The following PRDM15 variants were observed in gnomAD, a reference collection of about 807,000 sequenced individuals.
The protein encoded by PRDM15 is PR/SET domain 15.
In PRDM15, 64 loss-of-function variants were observed where a neutral mutation model predicts 128.6. The observed-to-expected ratio is 0.50, with a 90% CI of 0.41 to 0.61. The LOEUF (loss-of-function observed/expected upper bound fraction) is 0.61. PRDM15 is among the 20% of genes least tolerant of loss of function. The pLI, the probability that PRDM15 is intolerant of heterozygous loss-of-function variation, is 0.00. For synonymous variants in PRDM15, 615 were observed against 621.8 expected, an observed-to-expected ratio of 0.99 and a Z score of 0.16; for missense variants, 1,242 against 1,569.1, an observed-to-expected ratio of 0.79 and a Z score of 3.52.
chr21:41,821,274 T>C lies in PRDM15; in HGVS notation c.1897-44A>G. On this transcript the variant is annotated intron_variant, in intron 15 of 23. Coordinates refer to ENST00000398548, the MANE Select transcript of PRDM15 (RefSeq NM_001040424.3). This position sits in a 1 kb window ranked among gnomAD's most constrained non-coding sequence, Gnocchi z 5.4. ...GGGCACTGCTGACACCCGCATGAGG[T>C]CCCTGGTCCTCTTAGCTAATGAGGT... 1 of 1,609,140 alleles carries C rather than the reference T, an allele frequency of 6.2e-7. No individual in the cohort carries two copies. The highest frequency in any genetic ancestry group is 2.2e-5 in the East Asian group (1 of 44,794).
chr21:41,854,124 T>C lies in PRDM15; in HGVS notation c.538+442A>G, dbSNP rs905745539. Among the ~76,000 whole-genome samples, 6 of 152,204 alleles carry C rather than the reference T, an allele frequency of 3.9e-5. No individual in the cohort carries two copies. The highest frequency in any genetic ancestry group is 5.9e-5 in the Non-Finnish European group (4 of 68,044). Reference sequence around the variant, plus strand: ...CTCTATTACTTTGTCTATGTTTACATAGACAAATACTGACCATGTGTTACA... The same window carrying C: ...CTCTATTACTTTGTCTATGTTTACACAGACAAATACTGACCATGTGTTACA... On this transcript the variant is annotated intron_variant, in intron 5 of 23. Coordinates refer to ENST00000398548, the MANE Select transcript of PRDM15 (RefSeq NM_001040424.3). This position sits in a 1 kb window ranked among gnomAD's most constrained non-coding sequence, Gnocchi z 4.6.
At chr21:41,853,295 A>T (rs4346474) in intron 5 of PRDM15, among the ~76,000 whole-genome samples, 120,045 of 152,186 alleles carry the variant, frequency 0.79, 47,349 homozygotes, top group African/African-American at 0.82. Flanking sequence ...CCTTCCAATA[A>T]GTTAAGAATC....
intron 6 of PRDM15, among the ~76,000 whole-genome samples, 171 bp downstream of exon 6, chr21:41,846,919 G>A (rs949174732): frequency 6.6e-6 from 1 of 152,226 alleles, no homozygotes; most frequent in Non-Finnish European, 1.5e-5. Flanking sequence ...GGACTGCCCA[G>A]AAGCTTTAAA....
intron 12 of PRDM15, among the ~76,000 whole-genome samples, chr21:41,827,676 ATCT>A (rs1204477412): frequency 1.3e-5 from 2 of 152,236 alleles, no homozygotes; most frequent in East Asian, 1.9e-4. Context: ...GTGGTCTCAC[ATCT>A]TCTTTTCAAC....
chr21:41,810,897 G>A lies in PRDM15; in HGVS notation c.2393-61C>T. On this transcript the variant is annotated intron_variant, in intron 19 of 23. Transcript: ENST00000398548. The surrounding 1 kb of genome is among the most constrained non-coding windows in gnomAD (Gnocchi z 6.4). ...ATGAGTGTTGTAAGTCCACATCAGGGCATGTCTTCTCCCTGACACGTTCCA... is the reference window on the plus strand; with the variant it reads ...ATGAGTGTTGTAAGTCCACATCAGGACATGTCTTCTCCCTGACACGTTCCA... 6.7e-7 allele frequency: 1 copy of A among 1,488,120 alleles called. No individual in the cohort carries two copies. Among genetic ancestry groups the A allele is most frequent in the Non-Finnish European group, 9.4e-7 (1 of 1,066,292 alleles). 92.2% of individuals were successfully genotyped at this position (1,488,120 alleles called of 1,614,324 possible). A position where few individuals can be genotyped will look rare whatever the true frequency, so the allele number is the denominator to read the frequency against.
Position 41,810,217 on chromosome 21 carries a change from C to T in PRDM15, c.2589G>A (p.Leu863=), listed in dbSNP as rs1218445597. The T allele has an allele frequency of 1.9e-6, 3 of 1,613,066 alleles. No individual in the cohort carries two copies. The South Asian group carries it at 3.3e-5, about 18-fold the overall frequency. The change falls in exon 21 of 24, where the codon CTG becomes CTA. Residue 863 remains leucine, a synonymous_variant. Transcript: ENST00000398548. This position sits in a 1 kb window ranked among gnomAD's most constrained non-coding sequence, Gnocchi z 6.4. The part of the protein sequence containing the change: ...HDKVEAQSCQ[L]CGTKVSTRAS... The stretch of plus-strand genomic sequence containing the variant: ...CCCTGGTGGACACCTTGGTCCCGCA[C>T]AGCTGGCAGCTCTGCGCCTCCACCT...
chr21:41,830,462 A>G (rs1443465319), intron 11 of PRDM15, among the ~76,000 whole-genome samples: 3 of 151,610 alleles, frequency 2.0e-5, no homozygotes, highest in African/African-American at 7.3e-5. Flanking sequence ...CATACCACAC[A>G]CATACACCAC....
At chr21:41,855,019 T>C (rs549893825) in intron 4 of PRDM15, among the ~76,000 whole-genome samples, 17 of 152,320 alleles carry the variant, frequency 1.1e-4, no homozygotes, top group South Asian at 2.1e-4. Flanking sequence ...CGGGTCAGGT[T>C]AGTCACAGGC....
At position 41,828,266 on chromosome 21, in the gene PRDM15, G is replaced by C; in HGVS notation, c.1434C>G (p.His478Gln). Reference protein sequence around the residue: ...FFSTNSNLSKHKKKHGDKKFA... With the variant: ...FFSTNSNLSKQKKKHGDKKFA... The stretch of plus-strand genomic sequence containing the variant: ...ACTTCTTGTCGCCGTGCTTCTTCTT[G>C]TGCTTGGAGAGGTTGCTGTTGGTGG... The change falls in exon 12 of 24, where the codon CAC becomes CAG. Residue 478 changes from histidine (H) to glutamine (Q), a missense_variant. His to Gln is a conservative substitution (Grantham distance 24). This residue lies in a region of PRDM15 where 612 missense variants were observed against 717.0 expected (regional missense o/e 0.85). Coordinates refer to ENST00000398548, the MANE Select transcript of PRDM15 (RefSeq NM_001040424.3). The surrounding 1 kb of genome is among the most constrained non-coding windows in gnomAD (Gnocchi z 5.7). 1 of 1,614,042 alleles carries C rather than the reference G, an allele frequency of 6.2e-7. No homozygotes were observed. Among genetic ancestry groups the C allele is most frequent in the Non-Finnish European group, 8.5e-7 (1 of 1,179,974 alleles).
Position 41,817,208 on chromosome 21 carries a change from C to T in PRDM15, c.2261-1372G>A, listed in dbSNP as rs953175842. The stretch of plus-strand genomic sequence containing the variant: ...GTGAGTCAATCCATTTACAAATTAC[C>T]GTGGGGAAAACTGATGTTTTTTAAA... On this transcript the variant is annotated intron_variant, in intron 18 of 23. Coordinates refer to ENST00000398548, the MANE Select transcript of PRDM15 (RefSeq NM_001040424.3). Among the ~76,000 whole-genome samples the T allele has an allele frequency of 9.9e-5, 15 of 152,202 alleles. No homozygotes were observed. The South Asian group carries it at 1.5e-3, about 15-fold the overall frequency.
At position 41,820,148 on chromosome 21, in the gene PRDM15, C is replaced by G. The variant is rs1399522651; in HGVS notation, c.2087G>C (p.Gly696Ala). ...QKYIHPCEIC[G>A]RIFNSIGNLE... ...GTTCCCGATGCTGTTGAAGATCCGC[C>G]CGCAGATCTCGCAGGGGTGGATGTA... Residue 696 changes from glycine to alanine, a missense_variant, in exon 17 of 24, where the codon GGG (glycine) becomes GCG (alanine). Physicochemically the swap from Gly to Ala is moderately conservative, Grantham distance 60. Coordinates refer to ENST00000398548, the MANE Select transcript of PRDM15 (RefSeq NM_001040424.3). 1.2e-6 allele frequency: 2 copies of G among 1,613,708 alleles called. No individual in the cohort carries two copies. Among genetic ancestry groups the G allele is most frequent in the Non-Finnish European group, 1.7e-6 (2 of 1,179,886 alleles).
At chr21:41,830,875 A>ACT (rs1434170243) in intron 11 of PRDM15, among the ~76,000 whole-genome samples, 10 of 152,058 alleles carry the variant, frequency 6.6e-5, no homozygotes, top group Middle Eastern at 3.4e-3. Flanking sequence ...TGTCCCTCTG[A>ACT]CTCTCACACA....
At position 41,799,370 on chromosome 21, in the gene PRDM15, G is replaced by A. The variant is rs984394921; in HGVS notation, c.*1870C>T. The A allele has an allele frequency of 1.3e-5, 2 of 152,150 alleles. No homozygotes were observed. Among genetic ancestry groups the A allele is most frequent in the African/African-American group, 2.4e-5 (1 of 41,432 alleles). The allele number at this position is 152,150 out of a possible 1,614,324, so 9.4% of individuals were successfully genotyped here. On this transcript the variant is annotated 3_prime_UTR_variant, in exon 24 of 24. Coordinates refer to ENST00000398548, the MANE Select transcript of PRDM15 (RefSeq NM_001040424.3). Reference sequence around the variant, plus strand: ...ATGGAGACAATATCACCCCAAGCCCGAATTCATTTGATGAGACTACTATGT... The same window carrying A: ...ATGGAGACAATATCACCCCAAGCCCAAATTCATTTGATGAGACTACTATGT...
rs555177183 is a variant in PRDM15 at position 41,800,183 on chromosome 21, C to T, written c.*1057G>A. 6.6e-6 allele frequency: 1 copy of T among 152,210 alleles called. No homozygotes were observed. Among genetic ancestry groups the T allele is most frequent in the Non-Finnish European group, 1.5e-5 (1 of 68,044 alleles). The allele number at this position is 152,210 out of a possible 1,614,324, so 9.4% of individuals were successfully genotyped here. ...GAAAACTGGTCATGAAATACACCAA[C>T]CTTTGGAATTGAAGTTTAAACAGAA... On this transcript the variant is annotated 3_prime_UTR_variant, in exon 24 of 24. Transcript: ENST00000398548.
chr21:41,846,312 A>G (rs1056341785), intron 6 of PRDM15, among the ~76,000 whole-genome samples: 1 of 152,276 alleles, frequency 6.6e-6, no homozygotes, highest in Non-Finnish European at 1.5e-5. Context: ...GCTCCCTAAG[A>G]GAAATAAACA....
At chr21:41,824,489 A>G (rs114152118) in intron 13 of PRDM15, among the ~76,000 whole-genome samples, 1,676 of 152,086 alleles carry the variant, frequency 0.011, 27 homozygotes, top group African/African-American at 0.038. Flanking sequence ...TGTTTATTCA[A>G]TAAACACTGC....
chr21:41,811,490 A>G lies in PRDM15; in HGVS notation c.2393-654T>C, dbSNP rs1440965289. 1 of 152,156 alleles carries G rather than the reference A, an allele frequency of 6.6e-6. No individual in the cohort carries two copies. Among genetic ancestry groups the G allele is most frequent in the African/African-American group, 2.4e-5 (1 of 41,230 alleles). 9.4% of individuals were successfully genotyped at this position (152,156 alleles called of 1,614,324 possible). A position where few individuals can be genotyped will look rare whatever the true frequency, so the allele number is the denominator to read the frequency against. ...ACAAAAATAAAATAAAATAAAATAA[A>G]ATAAAATAACCAGCCGGGCATGATG... On this transcript the variant is annotated intron_variant, in intron 19 of 23. Transcript: ENST00000398548. The surrounding 1 kb of genome is among the most constrained non-coding windows in gnomAD (Gnocchi z 4.1).
chr21:41,852,797 A>G (rs2063470423), intron 5 of PRDM15, among the ~76,000 whole-genome samples: 1 of 152,176 alleles, frequency 6.6e-6, no homozygotes, highest in South Asian at 2.1e-4. Context: ...AGTGGGTTCA[A>G]TAGTGGCTCC....
chr21:41,816,700 C>T (rs1311978251), intron 18 of PRDM15, among the ~76,000 whole-genome samples: 2 of 152,140 alleles, frequency 1.3e-5, no homozygotes, highest in Admixed American at 1.3e-4. Context: ...AAAGGCCGGG[C>T]CAGAAGACCT....
Sources: gnomAD v4.1 joint callset for allele counts (sites outside exome capture counted in the v4.1 genomes callset) on GRCh38, gnomAD v4.1.1 for gene constraint, gnomAD v4.1.1 regional missense constraint, Gnocchi (gnomAD v3.1) non-coding constraint, MANE v1.5 for transcripts, NCBI Gene and HGNC (gene_info 2026-07-23, HGNC 2026-07-21) for gene names.